Variants in GABRG3 observed in about 807,000 individuals in gnomAD.
GABRG3 encodes the protein gamma-aminobutyric acid type A receptor subunit gamma3, also known as gamma-aminobutyric acid receptor subunit gamma-3.
A neutral mutation model predicts 48.8 loss-of-function variants in GABRG3; 25 were observed. The observed-to-expected ratio is 0.51, with a 90% CI of 0.37 to 0.72. GABRG3 has a LOEUF of 0.72. Among genes scored for constraint, GABRG3 ranks in the 30% least tolerant of loss-of-function variants. The pLI is 0.00. For missense variants in GABRG3, 394 were observed against 577.9 expected, an observed-to-expected ratio of 0.68 and a Z score of 3.26; for synonymous variants, 227 against 217.6, an observed-to-expected ratio of 1.04 and a Z score of -0.38.
At chr15:27,265,362 A>C (rs1211663323) in intron 3 of GABRG3, among the ~76,000 whole-genome samples, 3 of 152,234 alleles carry the variant, frequency 2.0e-5, no homozygotes. Flanking sequence ...AAATACTCTC[A>C]TAACAACCAG....
Position 26,976,134 on chromosome 15 carries a change from A to G in GABRG3, c.54-868A>G, listed in dbSNP as rs1894938517. 1.3e-5 allele frequency among the ~76,000 whole-genome samples: 2 copies of G among 149,480 alleles called. No individual in the cohort carries two copies. Among genetic ancestry groups the G allele is most frequent in the Admixed American group, 6.7e-5 (1 of 15,016 alleles). On this transcript the variant is annotated intron_variant, in intron 1 of 9. Coordinates refer to ENST00000615808, the MANE Select transcript of GABRG3 (RefSeq NM_033223.5). This position sits in a 1 kb window ranked among gnomAD's most constrained non-coding sequence, Gnocchi z 7.8. ...AAACTGCAGAACCAAAAAAAAAAAA[A>G]GGGAAAACTAGCCGGTCATCCTGAG...
At chr15:27,521,615 C>T (rs753944848) in intron 7 of GABRG3, among the ~76,000 whole-genome samples, 21 of 151,978 alleles carry the variant, frequency 1.4e-4, no homozygotes, top group Non-Finnish European at 2.1e-4. Context: ...ACAATGAAGA[C>T]TTAAAGGATA....
intron 3 of GABRG3, among the ~76,000 whole-genome samples, chr15:27,136,267 G>T (rs1339190444): frequency 6.6e-6 from 1 of 152,256 alleles, no homozygotes; most frequent in Admixed American, 6.5e-5. Flanking sequence ...CATTTAGATT[G>T]GTCTTCAAAG....
chr15:27,265,882 G>GTTT lies in GABRG3; in HGVS notation c.271-60914_271-60912dup, dbSNP rs57522857. Among the ~76,000 whole-genome samples the GTTT allele has an allele frequency of 2.2e-4, 28 of 127,596 alleles. 2 individuals carry two copies. The highest frequency in any genetic ancestry group is 8.1e-4 in the African/African-American group (24 of 29,452). The allele number at this position is 127,596 out of a possible 152,430, so 83.7% of individuals were successfully genotyped here. A position where few individuals can be genotyped will look rare whatever the true frequency, so the allele number is the denominator to read the frequency against. ...GCAAGGTCAAGAAGATTTTCTCCTG[G>GTTT]TTTTTTTTTTTTTTTGAGAGTGACC... On this transcript the variant is annotated intron_variant, in intron 3 of 9. Coordinates refer to ENST00000615808, the MANE Select transcript of GABRG3 (RefSeq NM_033223.5).
rs1179221412 is a variant in GABRG3 at position 27,310,640 on chromosome 15, A to G, written c.271-16169A>G. Among the ~76,000 whole-genome samples the G allele has an allele frequency of 2.0e-5, 3 of 152,294 alleles. No individual in the cohort carries two copies. In the East Asian group the frequency reaches 5.8e-4, roughly 29 times the overall value. On this transcript the variant is annotated intron_variant, in intron 3 of 9. Coordinates refer to ENST00000615808, the MANE Select transcript of GABRG3 (RefSeq NM_033223.5). ...AACTTACAACCTGATCCTAAAATGT[A>G]TATAATATGTAGATGACCAGAAATG...
intron 3 of GABRG3, among the ~76,000 whole-genome samples, chr15:27,320,226 G>T (rs569910530): frequency 3.1e-4 from 47 of 152,314 alleles, no homozygotes; most frequent in Admixed American, 5.2e-4. Flanking sequence ...ATACAAGGCT[G>T]CTGTCTTTTT....
intron 3 of GABRG3, among the ~76,000 whole-genome samples, chr15:27,264,732 T>A (rs1295674751): frequency 6.6e-6 from 1 of 151,822 alleles, no homozygotes; most frequent in African/African-American, 2.4e-5. Context: ...CCTTCAAAAT[T>A]ATAAGCCATT....
In GABRG3 at chr15:27,264,859, T is replaced by C. The variant is rs139569935; in HGVS notation, c.271-61950T>C. On this transcript the variant is annotated intron_variant, in intron 3 of 9. Coordinates refer to ENST00000615808, the MANE Select transcript of GABRG3 (RefSeq NM_033223.5). ...CTCTATTACTAATTCACTATTAATA[T>C]AACTGAATCTAACTCACCCCAAACC... is the stretch of plus-strand genomic sequence containing the variant. Among the ~76,000 whole-genome samples the C allele has an allele frequency of 2.0e-5, 3 of 152,238 alleles. No homozygotes were observed. In the East Asian group the frequency reaches 5.8e-4, roughly 29 times the overall value.
rs1487249703 is a variant in GABRG3 at position 27,442,145 on chromosome 15, T to C, written c.575-38505T>C. On this transcript the variant is annotated intron_variant, in intron 5 of 9. Transcript: ENST00000615808. ...CTGAGTTCCTGGGGCTGCTGGGAGC[T>C]TGGGAGCAAGTCCACACCCAGCCTT... Among the ~76,000 whole-genome samples, 20 of 152,226 alleles carry C rather than the reference T, an allele frequency of 1.3e-4. No homozygotes were observed. The East Asian group carries it at 3.9e-3, about 30-fold the overall frequency.
intron 3 of GABRG3, among the ~76,000 whole-genome samples, chr15:27,308,966 C>T (rs923132608): frequency 1.3e-5 from 2 of 149,830 alleles, no homozygotes; most frequent in East Asian, 2.0e-4. Flanking sequence ...TATGAAAACA[C>T]ATAATGTAAA....
chr15:27,086,052 C>G (rs755345847), intron 3 of GABRG3, among the ~76,000 whole-genome samples: 6 of 151,224 alleles, frequency 4.0e-5, no homozygotes, highest in Non-Finnish European at 8.8e-5. Context: ...CTAAACTTTC[C>G]TTGGTTTTTA....
At chr15:27,261,552 T>A (rs1000341704) in intron 3 of GABRG3, among the ~76,000 whole-genome samples, 4 of 149,812 alleles carry the variant, frequency 2.7e-5, no homozygotes, top group African/African-American at 7.3e-5. Flanking sequence ...ATATATATAT[T>A]TTTAATATAT....
chr15:27,458,634 C>T (rs1431336531), intron 5 of GABRG3, among the ~76,000 whole-genome samples: 1 of 152,118 alleles, frequency 6.6e-6, no homozygotes, highest in African/African-American at 2.4e-5. Context: ...TAACGTGTCC[C>T]TCTTAGGGAA....
intron 5 of GABRG3, among the ~76,000 whole-genome samples, chr15:27,332,740 G>A (rs535113455): frequency 1.3e-5 from 2 of 152,274 alleles, no homozygotes; most frequent in African/African-American, 2.4e-5. Context: ...AAAATGTACA[G>A]TAAGATATAA....
chr15:27,433,629 C>G lies in GABRG3; in HGVS notation c.575-47021C>G, dbSNP rs539762723. Among the ~76,000 whole-genome samples, 5 of 152,308 alleles carry G rather than the reference C, an allele frequency of 3.3e-5. No individual in the cohort carries two copies. In the East Asian group the frequency reaches 7.7e-4, roughly 23 times the overall value. On this transcript the variant is annotated intron_variant, in intron 5 of 9. Transcript: ENST00000615808. ...AAATCTAATTAATCAAAATGATCCC[C>G]TAATTCAACAGATGCCATGTAGCCC...
Position 27,141,772 on chromosome 15 carries a change from C to G in GABRG3, c.270+114951C>G, listed in dbSNP as rs115042149. Among the ~76,000 whole-genome samples, 634 of 152,198 alleles carry G rather than the reference C, an allele frequency of 4.2e-3. 4 individuals are homozygous for G. Among genetic ancestry groups the G allele is most frequent in the African/African-American group, 0.014 (586 of 41,520 alleles). ...ATTCAGGATACAGTGAATGAAGACC[C>G]GACTGAAAACCTAGCAATAGGACTA... On this transcript the variant is annotated intron_variant, in intron 3 of 9. Transcript: ENST00000615808.
chr15:27,529,157 C>T (rs1432381569), intron 9 of GABRG3, among the ~76,000 whole-genome samples: 1 of 152,172 alleles, frequency 6.6e-6, no homozygotes, highest in African/African-American at 2.4e-5. Flanking sequence ...ATTCTCACAA[C>T]AAACCTTTCT....
intron 5 of GABRG3, among the ~76,000 whole-genome samples, chr15:27,395,855 T>A (rs1173621766): frequency 6.6e-6 from 1 of 152,050 alleles, no homozygotes; most frequent in Non-Finnish European, 1.5e-5. Context: ...GGAAAGACAA[T>A]GGATAAATTG....
At chr15:27,063,253 G>A (rs551881206) in intron 3 of GABRG3, among the ~76,000 whole-genome samples, 3 of 152,312 alleles carry the variant, frequency 2.0e-5, no homozygotes, top group Non-Finnish European at 4.4e-5. Flanking sequence ...GAGTGTCTTC[G>A]GGTGGACGTT....
Sources: gnomAD v4.1 joint callset for allele counts (sites outside exome capture counted in the v4.1 genomes callset) on GRCh38, gnomAD v4.1.1 for gene constraint, Gnocchi (gnomAD v3.1) non-coding constraint, MANE v1.5 for transcripts, NCBI Gene and HGNC (gene_info 2026-07-23, HGNC 2026-07-21) for gene names.